The following NINL variants were observed in gnomAD, a reference collection of about 807,000 sequenced individuals.
NINL encodes the protein ninein-like protein.
Under a neutral mutation model 160.3 loss-of-function variants are expected in NINL, and 153 were observed. The observed-to-expected ratio is 0.95, with a 90% CI of 0.84 to 1.09. NINL has a LOEUF of 1.09. NINL is among the 50% of genes least tolerant of loss of function. The pLI is 0.00. For synonymous variants in NINL, 800 were observed against 734.8 expected (o/e 1.09, Z -1.43); for missense variants, 1,829 against 1,764.0 (o/e 1.04, Z -0.66).
chr20:25,517,639 A>C, intron 3 of NINL, 114 bp downstream of exon 3: 2 of 767,390 alleles, frequency 2.6e-6, no homozygotes. Context: ...TGGGGGTGAC[A>C]GAAAGTAAGG....
intron 10 of NINL, among the ~76,000 whole-genome samples, chr20:25,494,702 C>A (rs1037370320): frequency 2.0e-5 from 3 of 152,188 alleles, no homozygotes; most frequent in Admixed American, 6.5e-5. Flanking sequence ...GCAGCGGGGA[C>A]CCCCTTCTGC....
chr20:25,465,800 C>T (rs1034835009), intron 19 of NINL, among the ~76,000 whole-genome samples: 1 of 152,114 alleles, frequency 6.6e-6, no homozygotes, highest in Admixed American at 6.5e-5. Flanking sequence ...AATGTGGCAC[C>T]CCCAGCTGCA....
chr20:25,477,423 G>A (rs1320888000), intron 16 of NINL, among the ~76,000 whole-genome samples: 1 of 152,228 alleles, frequency 6.6e-6, no homozygotes, highest in African/African-American at 2.4e-5. Context: ...AGCCCTCAAG[G>A]CTCCCAACTG....
intron 1 of NINL, among the ~76,000 whole-genome samples, chr20:25,571,843 G>C (rs1484635539): frequency 2.4e-5 from 3 of 123,034 alleles, no homozygotes; most frequent in Non-Finnish European, 4.8e-5. Context: ...ACTCCAGCCT[G>C]GTCAAGAGAG....
intron 1 of NINL, among the ~76,000 whole-genome samples, chr20:25,579,296 G>C (rs981880400): frequency 6.6e-6 from 1 of 151,994 alleles, no homozygotes; most frequent in Admixed American, 6.6e-5. Context: ...TGTGAGATGG[G>C]GGCAACAGTA....
At chr20:25,456,651 C>A (rs904606707) in intron 22 of NINL, among the ~76,000 whole-genome samples, 2 of 152,120 alleles carry the variant, frequency 1.3e-5, no homozygotes, top group Non-Finnish European at 2.9e-5. Flanking sequence ...AAATTAGTGG[C>A]CTAGTGAGGT....
intron 7 of NINL, among the ~76,000 whole-genome samples, chr20:25,501,694 C>T (rs776402966): frequency 2.0e-4 from 30 of 152,206 alleles, no homozygotes; most frequent in Non-Finnish European, 2.9e-5. Flanking sequence ...GTCGTTCTCA[C>T]TGATGTTAGC....
intron 1 of NINL, among the ~76,000 whole-genome samples, chr20:25,531,796 T>C (rs541144251): frequency 1.4e-4 from 22 of 152,132 alleles, no homozygotes; most frequent in Non-Finnish European, 3.1e-4. Context: ...GGCTGAGCTG[T>C]TTTCCCAATG....
intron 1 of NINL, among the ~76,000 whole-genome samples, chr20:25,547,503 G>A (rs1184754919): frequency 1.3e-5 from 2 of 152,192 alleles, no homozygotes; most frequent in African/African-American, 4.8e-5. Context: ...ACTGGGGGAA[G>A]CCAAATGGAA....
chr20:25,491,057 A>G (rs537716911), intron 11 of NINL, among the ~76,000 whole-genome samples: 1 of 152,344 alleles, frequency 6.6e-6, no homozygotes, highest in African/African-American at 2.4e-5. Flanking sequence ...GGGTTGAAGC[A>G]GTGCTGGCTG....
Position 25,528,090 on chromosome 20 carries a change from C to T in NINL, c.-11-1492G>A, listed in dbSNP as rs2064389803. 2.0e-5 allele frequency among the ~76,000 whole-genome samples: 3 copies of T among 152,162 alleles called. No homozygotes were observed. The South Asian group carries it at 6.2e-4, about 31-fold the overall frequency. On this transcript the variant is annotated intron_variant, in intron 1 of 23. Transcript: ENST00000278886. The stretch of plus-strand genomic sequence containing the variant: ...TGTCACCCAGACTGGAGTGCAGTGG[C>T]ACAATCATAGCTCACTGTAACCTTG...
chr20:25,473,675 T>TACATAC (rs1555846551), intron 17 of NINL, among the ~76,000 whole-genome samples: 3 of 137,904 alleles, frequency 2.2e-5, no homozygotes, highest in South Asian at 2.4e-4. Flanking sequence ...AATACACACA[T>TACATAC]ACACACACAC....
intron 1 of NINL, among the ~76,000 whole-genome samples, chr20:25,560,369 A>C (rs2064920201): frequency 6.6e-6 from 1 of 152,304 alleles, no homozygotes; most frequent in Admixed American, 6.5e-5. Context: ...ATTCATTTCC[A>C]ACTTCCTACG....
intron 4 of NINL, among the ~76,000 whole-genome samples, 170 bp from the exon 5 acceptor site, chr20:25,510,910 C>A (rs1896524194): frequency 6.6e-6 from 1 of 152,214 alleles, no homozygotes; most frequent in Non-Finnish European, 1.5e-5. Flanking sequence ...TGCATGCCAG[C>A]TAGCAGACCC....
At chr20:25,524,931 G>GTA (rs59291392) in intron 2 of NINL, among the ~76,000 whole-genome samples, 2,468 of 146,418 alleles carry the variant, frequency 0.017, 31 homozygotes, top group Middle Eastern at 0.025. Context: ...ATATGTGTGT[G>GTA]TATATATATA....
At chr20:25,517,058 C>G (rs2064173113) in intron 3 of NINL, among the ~76,000 whole-genome samples, 1 of 152,028 alleles carries the variant, frequency 6.6e-6, no homozygotes, top group Non-Finnish European at 1.5e-5. Context: ...GTACACAAAG[C>G]TCAATGCCAT....
At chr20:25,538,604 G>C (rs1347477824) in intron 1 of NINL, among the ~76,000 whole-genome samples, 1 of 152,158 alleles carries the variant, frequency 6.6e-6, no homozygotes, top group African/African-American at 2.4e-5. Flanking sequence ...TCTGCTCCCA[G>C]GCATGGACAT....
chr20:25,562,527 T>C (rs1430421996), intron 1 of NINL, among the ~76,000 whole-genome samples: 1 of 124,978 alleles, frequency 8.0e-6, no homozygotes, highest in East Asian at 2.1e-4. Context: ...ACATGTGCTG[T>C]GTCCACTCAG....
chr20:25,478,760 C>A, intron 16 of NINL, 163 bp downstream of exon 16: 1 of 667,796 alleles, frequency 1.5e-6, no homozygotes. Flanking sequence ...GAGCCAGAAT[C>A]CTCATGCCAG....
Sources: allele counts gnomAD v4.1 joint callset (sites outside exome capture counted in the v4.1 genomes callset), GRCh38; gene constraint gnomAD v4.1.1; transcripts MANE v1.5; gene names NCBI Gene and HGNC (gene_info 2026-07-23, HGNC 2026-07-21).